HMBOX1: variants seen among roughly 807,000 people sequenced by gnomAD.
HMBOX1 encodes the protein homeobox-containing protein 1.
HMBOX1 carries 14 observed loss-of-function variants against 54.5 expected under a neutral mutation model. The ratio of observed to expected loss-of-function variants is 0.26; its 90% CI spans 0.17 to 0.40. HMBOX1 has a LOEUF of 0.40. Ranked by LOEUF, HMBOX1 falls within the 10% of genes least tolerant of loss-of-function variation. The pLI is 1.00. For synonymous variants in HMBOX1, 160 were observed against 181.0 expected, an observed-to-expected ratio of 0.88 and a Z score of 0.93; for missense variants, 332 against 514.4, an observed-to-expected ratio of 0.65 and a Z score of 3.43.
intron 1 of HMBOX1, among the ~76,000 whole-genome samples, chr8:28,945,849 A>G (rs2067247001): frequency 6.6e-6 from 1 of 151,988 alleles, no homozygotes; most frequent in African/African-American, 2.4e-5. Context: ...GATACAATTC[A>G]CATACCGTAC....
Position 28,963,871 on chromosome 8 carries a change from C to T in HMBOX1, c.4C>T (p.Leu2Phe), listed in dbSNP as rs772268801. The change falls in exon 2 of 10, where the codon CTT becomes TTT. Residue 2 changes from leucine to phenylalanine, a missense_variant. Around this residue, in one of 4 missense-constraint regions of HMBOX1, gnomAD observed 146 missense variants for 173.3 expected, o/e 0.84. Coordinates refer to ENST00000287701, the MANE Select transcript of HMBOX1 (RefSeq NM_001135726.3). M[L>F]SSFPVVLLET... ...ATTGATCCGCCTCATGTAAAGTATGCTTAGTTCCTTTCCAGTGGTGTAAGT... is the reference window on the plus strand; with the variant it reads ...ATTGATCCGCCTCATGTAAAGTATGTTTAGTTCCTTTCCAGTGGTGTAAGT... 2.5e-6 allele frequency: 4 copies of T among 1,602,026 alleles called. No individual in the cohort carries two copies. Among genetic ancestry groups the T allele is most frequent in the Non-Finnish European group, 3.4e-6 (4 of 1,172,938 alleles).
rs189457625 is a variant in HMBOX1, at chr8:29,047,501, G to A, written c.1030+48G>A. ...TTTCTCTTGTGCAGCAGTTGTGAAC[G>A]TCATGTTTATATTAAGATTAACTTC... On this transcript the variant is annotated intron_variant, in intron 8 of 9. Transcript: ENST00000287701. 9.7e-4 allele frequency: 888 copies of A among 918,892 alleles called. 9 individuals carry two copies. In the South Asian group the frequency reaches 0.011, roughly 11 times the overall value. The allele number at this position is 918,892 out of a possible 1,614,324, so 56.9% of individuals were successfully genotyped here.
intron 4 of HMBOX1, among the ~76,000 whole-genome samples, chr8:28,988,465 G>A (rs1007661417): frequency 3.9e-5 from 6 of 152,196 alleles, no homozygotes; most frequent in African/African-American, 1.4e-4. Context: ...GGATTGTGGG[G>A]TTGTTGGTAA....
At position 29,045,319 on chromosome 8, in the gene HMBOX1, T is replaced by A. The variant is rs1349636592; in HGVS notation, c.852-42T>A. On this transcript the variant is annotated intron_variant, in intron 6 of 9. Coordinates refer to ENST00000287701, the MANE Select transcript of HMBOX1 (RefSeq NM_001135726.3). ...GTTAGTGTTTTAATGAGAGTATGTT[T>A]GAAAAATAAAAACTTTGTGTCTGTA... is the stretch of plus-strand genomic sequence containing the variant. 10 of 1,490,474 alleles carry A rather than the reference T, an allele frequency of 6.7e-6. No homozygotes were observed. The Middle Eastern group carries it at 6.8e-4, about 102-fold the overall frequency. 92.3% of individuals were successfully genotyped at this position (1,490,474 alleles called of 1,614,324 possible).
chr8:28,896,933 C>T (rs567997709), intron 1 of HMBOX1, among the ~76,000 whole-genome samples: 1 of 149,716 alleles, frequency 6.7e-6, no homozygotes. Context: ...ACATTGCAAA[C>T]ATACCAATTT....
intron 1 of HMBOX1, among the ~76,000 whole-genome samples, chr8:28,914,603 A>G (rs1816162698): frequency 6.6e-6 from 1 of 152,252 alleles, no homozygotes; most frequent in African/African-American, 2.4e-5. Flanking sequence ...TTTGAACCAC[A>G]GCACTGCAGA....
intron 7 of HMBOX1, 51 bp downstream of exon 7, chr8:29,045,494 A>C: frequency 1.4e-6 from 2 of 1,435,986 alleles, no homozygotes; most frequent in South Asian, 2.3e-5. Flanking sequence ...GCGCTTGGTT[A>C]CAGGTTGGCA....
At chr8:28,957,811 C>T (rs988498191) in intron 1 of HMBOX1, among the ~76,000 whole-genome samples, 2 of 151,732 alleles carry the variant, frequency 1.3e-5, no homozygotes, top group Admixed American at 6.6e-5. Context: ...TTAGTATAGA[C>T]GAGGTTTCAC....
chr8:29,043,629 G>A (rs561137834), intron 6 of HMBOX1, among the ~76,000 whole-genome samples: 2 of 152,266 alleles, frequency 1.3e-5, no homozygotes, highest in African/African-American at 4.8e-5. Flanking sequence ...CAGAAGTTAC[G>A]ACCTGTGCAT....
chr8:28,900,032 T>G (rs1314102063), intron 1 of HMBOX1, among the ~76,000 whole-genome samples: 1 of 151,752 alleles, frequency 6.6e-6, no homozygotes, highest in Non-Finnish European at 1.5e-5. Context: ...GGGCGGATCA[T>G]GAGATCAGGA....
intron 3 of HMBOX1, among the ~76,000 whole-genome samples, chr8:28,976,044 G>C (rs988287231): frequency 6.6e-6 from 1 of 152,070 alleles, no homozygotes; most frequent in African/African-American, 2.4e-5. Flanking sequence ...AAGAGAATTG[G>C]ACACAATGAA....
intron 1 of HMBOX1, 54 bp downstream of exon 1, chr8:28,890,732 T>C (rs959630754): frequency 1.3e-5 from 2 of 152,722 alleles, no homozygotes; most frequent in Admixed American, 6.5e-5. Flanking sequence ...CCTCACTTCT[T>C]TCTCTTCACT....
At chr8:28,992,418 G>A (rs1290339970) in intron 4 of HMBOX1, among the ~76,000 whole-genome samples, 1 of 152,136 alleles carries the variant, frequency 6.6e-6, no homozygotes, top group Non-Finnish European at 1.5e-5. Flanking sequence ...TGTCTCTCCA[G>A]ATTGACTTTC....
At chr8:28,973,812 T>TTTTTTTTG (rs1827878449) in intron 3 of HMBOX1, among the ~76,000 whole-genome samples, 1 of 26,060 alleles carries the variant, frequency 3.8e-5, no homozygotes, top group Non-Finnish European at 9.3e-5. Flanking sequence ...AGTTTTTTTT[T>TTTTTTTTG]TTTTTTTTTT....
intron 4 of HMBOX1, among the ~76,000 whole-genome samples, chr8:28,993,311 C>G (rs1244602956): frequency 1.3e-5 from 2 of 151,982 alleles, no homozygotes; most frequent in Non-Finnish European, 2.9e-5. Context: ...TATACATACT[C>G]TTGTATGAGT....
intron 1 of HMBOX1, among the ~76,000 whole-genome samples, chr8:28,957,041 C>T (rs1824582991): frequency 6.6e-6 from 1 of 152,146 alleles, no homozygotes; most frequent in Non-Finnish European, 1.5e-5. Context: ...CTCAAAGAAC[C>T]AACAATGGCC....
chr8:28,901,840 A>G (rs995675410), intron 1 of HMBOX1, among the ~76,000 whole-genome samples: 1 of 151,836 alleles, frequency 6.6e-6, no homozygotes, highest in African/African-American at 2.4e-5. Context: ...TCTGCTGTAT[A>G]TTTTCAGCCT....
intron 4 of HMBOX1, among the ~76,000 whole-genome samples, chr8:28,993,727 A>G (rs1831338639): frequency 6.6e-6 from 1 of 152,232 alleles, no homozygotes; most frequent in African/African-American, 2.4e-5. Context: ...TGTACCGGCC[A>G]GATTCAATTC....
intron 4 of HMBOX1, among the ~76,000 whole-genome samples, chr8:28,986,345 G>C (rs1830160854): frequency 2.0e-5 from 3 of 152,030 alleles, no homozygotes; most frequent in Admixed American, 1.3e-4. Flanking sequence ...TCCAAGTTTT[G>C]GCAATTATGA....
Sources: allele counts gnomAD v4.1 joint callset (sites outside exome capture counted in the v4.1 genomes callset), GRCh38; gene constraint gnomAD v4.1.1; regional missense constraint gnomAD v4.1.1; transcripts MANE v1.5; gene names NCBI Gene and HGNC (gene_info 2026-07-23, HGNC 2026-07-21).